GTF2F2: variants seen among roughly 807,000 people sequenced by gnomAD.
GTF2F2 encodes the protein ATP-dependent helicase GTF2F2.
A neutral mutation model predicts 42.2 loss-of-function variants in GTF2F2; 23 were observed. The ratio of observed to expected loss-of-function variants is 0.55; its 90% CI spans 0.39 to 0.77. GTF2F2 has a LOEUF of 0.77. Among genes scored for constraint, GTF2F2 ranks in the 30% least tolerant of loss-of-function variants. GTF2F2 has a pLI of 0.00. For synonymous variants in GTF2F2, 105 were observed against 100.8 expected, an observed-to-expected ratio of 1.04 and a Z score of -0.25; for missense variants, 261 against 287.2, an observed-to-expected ratio of 0.91 and a Z score of 0.66.
At chr13:45,206,700 C>G (rs1033990523) in intron 4 of GTF2F2, 1 of 152,178 alleles carries the variant, frequency 6.6e-6, no homozygotes, top group African/African-American at 2.4e-5. Flanking sequence ...GGCCAGTAGG[C>G]ACACAATAGA....
chr13:45,236,732 G>C (rs1365049397), intron 5 of GTF2F2, among the ~76,000 whole-genome samples: 1 of 152,136 alleles, frequency 6.6e-6, no homozygotes, highest in Non-Finnish European at 1.5e-5. Context: ...GTGAAAAATG[G>C]GGATACTAGT....
At chr13:45,159,340 T>A (rs969402773) in intron 4 of GTF2F2, among the ~76,000 whole-genome samples, 1 of 152,258 alleles carries the variant, frequency 6.6e-6, no homozygotes, top group Non-Finnish European at 1.5e-5. Flanking sequence ...TTATAATCTG[T>A]CCTGTATGGT....
At chr13:45,137,432 C>T (rs1377536150) in intron 2 of GTF2F2, among the ~76,000 whole-genome samples, 1 of 152,190 alleles carries the variant, frequency 6.6e-6, no homozygotes. Flanking sequence ...TGGTATCTTC[C>T]TCTTTATCAA....
intron 5 of GTF2F2, among the ~76,000 whole-genome samples, chr13:45,232,579 G>A (rs1458810872): frequency 2.6e-5 from 4 of 152,140 alleles, no homozygotes; most frequent in African/African-American, 9.7e-5. Flanking sequence ...AGGCTACAGT[G>A]ACCTATGATC....
At chr13:45,132,323 G>A (rs1045956724) in intron 1 of GTF2F2, among the ~76,000 whole-genome samples, 1 of 152,098 alleles carries the variant, frequency 6.6e-6, no homozygotes, top group African/African-American at 2.4e-5. Flanking sequence ...TTTTGACTGG[G>A]GAAATATTGT....
At chr13:45,158,421 T>TA (rs1566117831) in intron 4 of GTF2F2, among the ~76,000 whole-genome samples, 1 of 152,200 alleles carries the variant, frequency 6.6e-6, no homozygotes, top group Non-Finnish European at 1.5e-5. Context: ...CAGTCTTGGG[T>TA]ATGTCATTAT....
intron 6 of GTF2F2, among the ~76,000 whole-genome samples, chr13:45,265,436 C>T (rs1283661157): frequency 6.6e-6 from 1 of 151,988 alleles, no homozygotes; most frequent in Non-Finnish European, 1.5e-5. Flanking sequence ...CCATTTAAAG[C>T]CGTTTTAGAA....
chr13:45,232,121 A>G (rs1258469406), intron 5 of GTF2F2, among the ~76,000 whole-genome samples: 1 of 152,210 alleles, frequency 6.6e-6, no homozygotes, highest in Non-Finnish European at 1.5e-5. Context: ...AAAATGATTC[A>G]TACTTACATA....
intron 4 of GTF2F2, among the ~76,000 whole-genome samples, chr13:45,200,255 G>C (rs932178024): frequency 6.6e-6 from 1 of 152,100 alleles, no homozygotes; most frequent in Non-Finnish European, 1.5e-5. Context: ...ATGAGAGAGA[G>C]AGGGAGAGAC....
chr13:45,216,217 CAA>C (rs1361360367), intron 5 of GTF2F2, among the ~76,000 whole-genome samples: 5 of 151,724 alleles, frequency 3.3e-5, no homozygotes, highest in African/African-American at 1.2e-4. Context: ...GACCCTGTCT[CAA>C]GAGGAAAAAA....
At chr13:45,193,884 GA>G in intron 4 of GTF2F2, 1 of 1,614,122 alleles carries the variant, frequency 6.2e-7, no homozygotes, top group Non-Finnish European at 8.5e-7. Context: ...AAGCCATCAT[GA>G]TAGCCTCAAA....
intron 5 of GTF2F2, among the ~76,000 whole-genome samples, chr13:45,240,975 C>CAAAA (rs1210038157): frequency 3.8e-5 from 4 of 106,472 alleles, no homozygotes; most frequent in Admixed American, 2.0e-4. Flanking sequence ...CCTGTTATTA[C>CAAAA]AAAAAAAAAA....
intron 6 of GTF2F2, among the ~76,000 whole-genome samples, chr13:45,253,887 A>G (rs1875979982): frequency 6.6e-6 from 1 of 152,182 alleles, no homozygotes; most frequent in South Asian, 2.1e-4. Flanking sequence ...CATCCTGGCT[A>G]ACACAGTGAA....
intron 7 of GTF2F2, among the ~76,000 whole-genome samples, chr13:45,274,797 G>C (rs901198964): frequency 2.6e-5 from 4 of 151,984 alleles, no homozygotes; most frequent in African/African-American, 9.7e-5. Flanking sequence ...ACAAAAATTA[G>C]CCAGGCATGG....
At chr13:45,230,701 A>G (rs1340288073) in intron 5 of GTF2F2, among the ~76,000 whole-genome samples, 1 of 152,260 alleles carries the variant, frequency 6.6e-6, no homozygotes, top group Non-Finnish European at 1.5e-5. Flanking sequence ...ATAACTAGCT[A>G]CATGTCATGT....
intron 7 of GTF2F2, among the ~76,000 whole-genome samples, chr13:45,274,075 A>T (rs1876917895): frequency 6.6e-6 from 1 of 152,106 alleles, no homozygotes; most frequent in Non-Finnish European, 1.5e-5. Context: ...AGGACCTTGT[A>T]CTGCCAGCAC....
rs142239446 is a variant in GTF2F2, at chr13:45,153,545, A to G, written c.304+1714A>G. ...GTTAAAGTAACAGTATCTTCAGTATATCCATTTTATACTGTTGAAGATTCA... is the reference window on the plus strand; with the variant it reads ...GTTAAAGTAACAGTATCTTCAGTATGTCCATTTTATACTGTTGAAGATTCA... On this transcript the variant is annotated intron_variant, in intron 4 of 7. Coordinates refer to ENST00000340473, the MANE Select transcript of GTF2F2 (RefSeq NM_004128.3). 4.6e-5 allele frequency among the ~76,000 whole-genome samples: 7 copies of G among 152,294 alleles called. No individual in the cohort carries two copies. In the East Asian group the frequency reaches 1.2e-3, roughly 25 times the overall value.
chr13:45,264,243 C>A (rs1423515018), intron 6 of GTF2F2, among the ~76,000 whole-genome samples: 1 of 150,642 alleles, frequency 6.6e-6, no homozygotes, highest in Non-Finnish European at 1.5e-5. Context: ...GCATGTAAAC[C>A]AAGATTTTTT....
At chr13:45,149,433 CA>C (rs34165758) in intron 2 of GTF2F2, among the ~76,000 whole-genome samples, 13,423 of 90,988 alleles carry the variant, frequency 0.15, 1,079 homozygotes, top group African/African-American at 0.36. Flanking sequence ...ACCCTGTCTC[CA>C]AAAAAAAAAA....
Sources: allele counts gnomAD v4.1 joint callset (sites outside exome capture counted in the v4.1 genomes callset), GRCh38; gene constraint gnomAD v4.1.1; transcripts MANE v1.5; gene names NCBI Gene and HGNC (gene_info 2026-07-23, HGNC 2026-07-21).